SLC8A1: variants seen among roughly 807,000 people sequenced by gnomAD.
SLC8A1 encodes sodium/calcium exchanger 1.
A neutral mutation model predicts 68.3 loss-of-function variants in SLC8A1; 18 were observed. That is an observed-to-expected ratio of 0.26 (90% CI 0.18 to 0.39). The LOEUF (loss-of-function observed/expected upper bound fraction) is 0.39. Ranked by LOEUF, SLC8A1 falls within the 10% of genes least tolerant of loss-of-function variation. SLC8A1 has a pLI of 1.00. For synonymous variants in SLC8A1, 475 were observed against 415.5 expected (o/e 1.14, Z -1.74); for missense variants, 985 against 1,156.7 (o/e 0.85, Z 2.15).
At chr2:40,384,959 T>G (rs1290046850) in intron 2 of SLC8A1, among the ~76,000 whole-genome samples, 1 of 152,078 alleles carries the variant, frequency 6.6e-6, no homozygotes, top group Non-Finnish European at 1.5e-5. Flanking sequence ...TCTTTCCTAA[T>G]GCCTGCCACC....
chr2:40,175,766 C>T (rs1161843288), intron 3 of SLC8A1, among the ~76,000 whole-genome samples: 3 of 152,056 alleles, frequency 2.0e-5, no homozygotes, highest in Non-Finnish European at 4.4e-5. Flanking sequence ...TCAGTAAGTA[C>T]AGGTGAAACA....
At chr2:40,429,562 A>C in exon 2 of SLC8A1, 1 of 1,613,752 alleles carries the variant, frequency 6.2e-7, no homozygotes, top group Admixed American at 1.7e-5. Context: ...GGGAAAGAAG[A>C]AGAAAGTAAG....
intron 5 of SLC8A1, 40 bp from the exon 9 acceptor site, chr2:40,160,904 C>T (rs567785345): frequency 6.8e-7 from 1 of 1,462,642 alleles, no homozygotes; most frequent in South Asian, 1.1e-5. Flanking sequence ...GCTGGGTTCG[C>T]TAAGGCCTCA....
chr2:40,401,139 A>G (rs1352442128), intron 2 of SLC8A1, among the ~76,000 whole-genome samples: 1 of 152,214 alleles, frequency 6.6e-6, no homozygotes, highest in African/African-American at 2.4e-5. Flanking sequence ...CCTGATTGCA[A>G]GTCTTCTTAT....
At chr2:40,412,463 G>C (rs766591933) in intron 2 of SLC8A1, among the ~76,000 whole-genome samples, 9 of 152,132 alleles carry the variant, frequency 5.9e-5, no homozygotes, top group Non-Finnish European at 1.2e-4. Context: ...GCAAGTTATA[G>C]CATTCATTGC....
intron 2 of SLC8A1, among the ~76,000 whole-genome samples, chr2:40,378,753 T>A (rs556630140): frequency 4.4e-4 from 67 of 152,138 alleles, no homozygotes; most frequent in African/African-American, 1.5e-3. Context: ...ATCACACACA[T>A]GCTCCTGTTC....
At chr2:40,271,296 T>G (rs1036218118) in intron 2 of SLC8A1, among the ~76,000 whole-genome samples, 1 of 151,552 alleles carries the variant, frequency 6.6e-6, no homozygotes, top group Non-Finnish European at 1.5e-5. Context: ...TCCAGCCACA[T>G]GGCCCCCTTG....
intron 6 of SLC8A1, among the ~76,000 whole-genome samples, chr2:40,143,147 C>G (rs994621000): frequency 1.3e-5 from 2 of 152,162 alleles, no homozygotes; most frequent in Non-Finnish European, 2.9e-5. Context: ...AAATTTTAAT[C>G]TCCAACTCAG....
At chr2:40,455,116 T>C (rs1239633217), upstream of SLC8A1, among the ~76,000 whole-genome samples, 1 of 152,180 alleles carries the variant, frequency 6.6e-6, no homozygotes. Context: ...AGATTTGATA[T>C]ATTCGAAAGA....
intron 5 of SLC8A1, among the ~76,000 whole-genome samples, chr2:40,163,221 T>C (rs2045987406): frequency 6.6e-6 from 1 of 152,164 alleles, no homozygotes; most frequent in Admixed American, 6.5e-5. Context: ...CAAGAAGGCT[T>C]TGCTGCCTGG....
At chr2:40,330,136 G>A (rs2160236) in intron 2 of SLC8A1, among the ~76,000 whole-genome samples, 3 of 151,914 alleles carry the variant, frequency 2.0e-5, no homozygotes, top group Non-Finnish European at 2.9e-5. Flanking sequence ...ACTATCCTAC[G>A]CTATTTATTA....
At chr2:40,363,023 A>G (rs1261989935) in intron 2 of SLC8A1, among the ~76,000 whole-genome samples, 2 of 152,004 alleles carry the variant, frequency 1.3e-5, no homozygotes, top group East Asian at 3.9e-4. Flanking sequence ...CCCCATAAAT[A>G]TCCATAATCA....
chr2:40,348,978 T>C (rs867235072), intron 2 of SLC8A1, among the ~76,000 whole-genome samples: 1 of 152,192 alleles, frequency 6.6e-6, no homozygotes, highest in African/African-American at 2.4e-5. Context: ...CGTGGTGCCA[T>C]GGGCTTTTTT....
intron 2 of SLC8A1, among the ~76,000 whole-genome samples, chr2:40,255,642 T>G (rs558076883): frequency 2.0e-5 from 3 of 152,302 alleles, no homozygotes; most frequent in South Asian, 4.1e-4. Context: ...CTTTAGCATC[T>G]CATAATTTTG....
intron 2 of SLC8A1, among the ~76,000 whole-genome samples, chr2:40,404,404 C>T (rs1456740589): frequency 6.6e-6 from 1 of 152,092 alleles, no homozygotes; most frequent in Non-Finnish European, 1.5e-5. Context: ...CTGATGCCTT[C>T]AGTAATTATG....
chr2:40,139,883 T>C (rs2041232642), intron 6 of SLC8A1, among the ~76,000 whole-genome samples: 1 of 152,158 alleles, frequency 6.6e-6, no homozygotes. Context: ...CTGTGGCTCA[T>C]TGGTCAATGG....
At chr2:40,238,384 A>T (rs1658369712) in intron 2 of SLC8A1, among the ~76,000 whole-genome samples, 1 of 151,632 alleles carries the variant, frequency 6.6e-6, no homozygotes, top group African/African-American at 2.4e-5. Context: ...GCTGTCCGTC[A>T]CCCCTTTCTT....
chr2:40,348,100 TA>T (rs1669915638), intron 2 of SLC8A1, among the ~76,000 whole-genome samples: 1 of 152,162 alleles, frequency 6.6e-6, no homozygotes, highest in Non-Finnish European at 1.5e-5. Flanking sequence ...TCTTAATTTT[TA>T]CATGGGCTGA....
At chr2:40,365,826 T>A (rs1175011975) in intron 2 of SLC8A1, among the ~76,000 whole-genome samples, 2 of 151,744 alleles carry the variant, frequency 1.3e-5, no homozygotes, top group African/African-American at 2.4e-5. Context: ...TACGGTAAGA[T>A]CTCACCTCTA....
Sources: allele counts gnomAD v4.1 joint callset (sites outside exome capture counted in the v4.1 genomes callset), GRCh38; gene constraint gnomAD v4.1.1; transcripts MANE v1.5; gene names NCBI Gene and HGNC (gene_info 2026-07-23, HGNC 2026-07-21).